Variants in MGAM observed in about 807,000 individuals in gnomAD.
MGAM encodes maltase-glucoamylase, also known as alpha-1,4-glucosidase.
A neutral mutation model predicts 358.8 loss-of-function variants in MGAM; 253 were observed. The ratio of observed to expected loss-of-function variants is 0.71; its 90% CI spans 0.64 to 0.78. The LOEUF (loss-of-function observed/expected upper bound fraction) is 0.78. MGAM is among the 30% of genes least tolerant of loss of function. The probability of loss-of-function intolerance (pLI) is 0.00; values close to 1 mark genes in which losing one functional copy is unlikely to be tolerated. For synonymous variants in MGAM, 1,105 were observed against 1,227.1 expected (o/e 0.90, Z 2.08); for missense variants, 3,080 against 3,432.6 (o/e 0.90, Z 2.57).
chr7:142,089,030 A>ATCTATCTG (rs1815121108), intron 57 of MGAM, among the ~76,000 whole-genome samples: 2 of 132,788 alleles, frequency 1.5e-5, no homozygotes, highest in African/African-American at 5.0e-5. Flanking sequence ...CTATCTATCT[A>ATCTATCTG]TCTATACTGT....
chr7:142,092,801 G>A (rs1163464252), intron 59 of MGAM, among the ~76,000 whole-genome samples, 193 bp downstream of exon 59: 1 of 146,722 alleles, frequency 6.8e-6, no homozygotes, highest in Non-Finnish European at 1.5e-5. Context: ...TAGACTCATT[G>A]CACAAATTTT....
At chr7:142,022,122 C>T (rs1554459087) in intron 6 of MGAM, 146 bp from the exon 7 acceptor site, 1 of 753,766 alleles carries the variant, frequency 1.3e-6, no homozygotes, top group African/African-American at 1.8e-5. Flanking sequence ...CTCTTGTTTT[C>T]CATAGAAAAA....
At chr7:142,053,974 C>G (rs1324474543) in intron 26 of MGAM, among the ~76,000 whole-genome samples, 3 of 152,122 alleles carry the variant, frequency 2.0e-5, no homozygotes, top group Admixed American at 2.0e-4. Context: ...AAAATATGTG[C>G]CTCTTTCTGG....
In MGAM at chr7:142,092,017, G is replaced by A. The variant is rs1400623546; in HGVS notation, c.6915G>A (p.Glu2305=). 5.2e-6 allele frequency: 8 copies of A among 1,536,754 alleles called. 2 individuals carry two copies. In the South Asian group the frequency reaches 9.3e-5, roughly 18 times the overall value. ...TATACAACAATCCACAGAATCCAGA[G>A]AGGAGCTTGAAGTTTGATGGCATGT... ...EELYNNPQNP[E]RSLKFDGMWI... Residue 2305 remains glutamate, a synonymous_variant, in exon 58 of 71, where the codon GAG becomes GAA. Coordinates refer to ENST00000475668, the MANE Select transcript of MGAM (RefSeq NM_001365693.1).
intron 4 of MGAM, among the ~76,000 whole-genome samples, 167 bp downstream of exon 4, chr7:142,019,486 G>A (rs145746679): frequency 6.6e-6 from 1 of 152,294 alleles, no homozygotes; most frequent in Non-Finnish European, 1.5e-5. Context: ...TGGGCACCAA[G>A]GAAAAATTAT....
At chr7:142,057,262 GATA>G (rs1460958476) in intron 30 of MGAM, among the ~76,000 whole-genome samples, 8 of 151,604 alleles carry the variant, frequency 5.3e-5, no homozygotes, top group Admixed American at 5.3e-4. Flanking sequence ...TGGGAATGGT[GATA>G]ATGATGGTGG....
chr7:142,013,695 C>T (rs879949706), intron 3 of MGAM, among the ~76,000 whole-genome samples: 1 of 152,084 alleles, frequency 6.6e-6, no homozygotes, highest in African/African-American at 2.4e-5. Context: ...ATTTTTAAAA[C>T]TAAAAGGCCC....
rs756381544 is a variant in MGAM at position 142,056,836 on chromosome 7, C to T, written c.3587C>T (p.Thr1196Met). Residue 1196 changes from threonine (T) to methionine (M), a missense_variant, in exon 30 of 71, where the codon ACG becomes ATG. Coordinates refer to ENST00000475668, the MANE Select transcript of MGAM (RefSeq NM_001365693.1). ...CATTTTTCTTTATTTTCAGATGTGA[C>T]GTTCCAGCCCCTGCCTGCCTTGACA... ...LLLNSNAMDVTFQPLPALTYR... is the reference protein window; with the variant it reads ...LLLNSNAMDVMFQPLPALTYR... 14 of 1,613,520 alleles carry T rather than the reference C, an allele frequency of 8.7e-6. No homozygotes were observed. Among genetic ancestry groups the T allele is most frequent in the East Asian group, 4.5e-5 (2 of 44,846 alleles).
intron 3 of MGAM, 95 bp downstream of exon 3, chr7:142,008,800 C>A: frequency 1.5e-6 from 2 of 1,327,158 alleles, no homozygotes; most frequent in Non-Finnish European, 2.1e-6. Context: ...TTATTAGTGA[C>A]TCTCAAGAGA....
At position 142,077,059 on chromosome 7, in the gene MGAM, A is replaced by G. The variant is rs537414981; in HGVS notation, c.5493+233A>G. Among the ~76,000 whole-genome samples the G allele has an allele frequency of 4.6e-3, 661 of 143,358 alleles. 11 individuals carry two copies. The highest frequency in any genetic ancestry group is 5.2e-3 in the African/African-American group (211 of 40,614). The allele number at this position is 143,358 out of a possible 152,430, so 94.0% of individuals were successfully genotyped here. ...CCCTTCTCTGCCTATCAGTGTTCCC[A>G]TCTCTCTAGCTGGTTTCACTTGCTT... On this transcript the variant is annotated intron_variant, in intron 47 of 70. Transcript: ENST00000475668.
At chr7:142,038,016 T>G (rs1554466645) in intron 18 of MGAM, among the ~76,000 whole-genome samples, 1 of 152,164 alleles carries the variant, frequency 6.6e-6, no homozygotes, top group Non-Finnish European at 1.5e-5. Flanking sequence ...CTATTTTTTT[T>G]TGTATCTGTT....
At chr7:142,084,337 T>C (rs1182268561) in intron 53 of MGAM, among the ~76,000 whole-genome samples, 182 bp from the exon 54 acceptor site, 2 of 146,016 alleles carry the variant, frequency 1.4e-5, no homozygotes, top group African/African-American at 2.4e-5. Context: ...AAGAAGGAGC[T>C]CAAGTCTAGC....
At chr7:142,091,763 T>A in intron 57 of MGAM, 150 bp from the exon 58 acceptor site, 1 of 872,432 alleles carries the variant, frequency 1.1e-6, no homozygotes, top group South Asian at 2.1e-5. Flanking sequence ...TCTACATTTC[T>A]CTAATAAGTT....
chr7:142,036,855 C>T lies in MGAM; in HGVS notation c.2109C>T (p.Ser703=). 6.2e-7 allele frequency: 1 copy of T among 1,613,564 alleles called. No homozygotes were observed. The highest frequency in any genetic ancestry group is 8.5e-7 in the Non-Finnish European group (1 of 1,179,608). The change falls in exon 18 of 71, where the codon TCC becomes TCT. Residue 703 remains serine, a synonymous_variant. Coordinates refer to ENST00000475668, the MANE Select transcript of MGAM (RefSeq NM_001365693.1). ...DQDPASFGAD[S]LLLNSSRHYL... ...ATCCTGCCTCCTTTGGAGCTGACTC[C>T]CTGCTGTTGAATTCCTCCAGGCACT...
At position 142,046,078 on chromosome 7, in the gene MGAM, A is replaced by G. The variant is rs1221233373; in HGVS notation, c.2499-1707A>G. Among the ~76,000 whole-genome samples, 10 of 92,856 alleles carry G rather than the reference A, an allele frequency of 1.1e-4. No homozygotes were observed. The Admixed American group carries it at 1.3e-3, about 12-fold the overall frequency. 60.9% of individuals were successfully genotyped at this position (92,856 alleles called of 152,430 possible). Reference sequence around the variant, plus strand: ...ATATGTAATATAATATATAATATAGAAATTTATATGTGTAATTATATATTT... The same window carrying G: ...ATATGTAATATAATATATAATATAGGAATTTATATGTGTAATTATATATTT... On this transcript the variant is annotated intron_variant, in intron 21 of 70. Transcript: ENST00000475668.
intron 6 of MGAM, 54 bp from the exon 7 acceptor site, chr7:142,022,214 C>A: frequency 1.3e-6 from 2 of 1,511,344 alleles, no homozygotes; most frequent in Middle Eastern, 2.1e-4. Context: ...TAAGCACTTA[C>A]GTTCTCTCCA....
At chr7:142,031,917 T>C in intron 13 of MGAM, 124 bp downstream of exon 13, 1 of 610,130 alleles carries the variant, frequency 1.6e-6, no homozygotes, top group Non-Finnish European at 2.9e-6. Flanking sequence ...TAACAATCAC[T>C]CTCAATATTC....
In MGAM at chr7:142,066,743, C is replaced by T. The variant is rs561740268; in HGVS notation, c.4919+22C>T. On this transcript the variant is annotated intron_variant, in intron 41 of 70. Transcript: ENST00000475668. The stretch of plus-strand genomic sequence containing the variant: ...ATGAGTGAGTGTCCAGCAGGGATCC[C>T]GATGACTAATGGATGACTTATTGCA... The T allele has an allele frequency of 9.1e-6, 14 of 1,546,226 alleles. 1 individual carries two copies. Among genetic ancestry groups the T allele is most frequent in the South Asian group, 7.9e-5 (7 of 88,086 alleles).
Position 142,036,892 on chromosome 7 carries a change from C to T in MGAM, c.2146C>T (p.Arg716Cys), listed in dbSNP as rs782806699. 8.7e-6 allele frequency: 14 copies of T among 1,613,482 alleles called. No individual in the cohort carries two copies. The highest frequency in any genetic ancestry group is 2.7e-5 in the African/African-American group (2 of 74,886). ...LNSSRHYLNIRYTLLPYLYTL... is the reference protein window; with the variant it reads ...LNSSRHYLNICYTLLPYLYTL... ...TTCCTCCAGGCACTACCTTAACATC[C>T]GCTATACTCTATTGCCCTACCTATA... is the stretch of plus-strand genomic sequence containing the variant. Residue 716 changes from arginine to cysteine, a missense_variant, in exon 18 of 71, where the codon CGC becomes TGC. Physicochemically the swap from Arg to Cys is radical, Grantham distance 180. Transcript: ENST00000475668.
Sources: gnomAD v4.1 joint callset for allele counts (sites outside exome capture counted in the v4.1 genomes callset) on GRCh38, gnomAD v4.1.1 for gene constraint, MANE v1.5 for transcripts, NCBI Gene and HGNC (gene_info 2026-07-23, HGNC 2026-07-21) for gene names.